The following HECW1 variants were observed in gnomAD, a reference collection of about 807,000 sequenced individuals.
The protein encoded by HECW1 is E3 ubiquitin-protein ligase HECW1.
HECW1 carries 61 observed loss-of-function variants against 182.3 expected under a neutral mutation model. The ratio of observed to expected loss-of-function variants is 0.33; its 90% confidence interval spans 0.27 to 0.41. The LOEUF (loss-of-function observed/expected upper bound fraction) is 0.41. Among genes scored for constraint, HECW1 ranks in the 10% least tolerant of loss-of-function variants. HECW1 has a pLI of 1.00. For synonymous variants in HECW1, 859 were observed against 832.6 expected (o/e 1.03, Z -0.55); for missense variants, 1,739 against 2,108.9 (o/e 0.82, Z 3.44).
chr7:43,257,995 A>C (rs1800761125), intron 3 of HECW1, among the ~76,000 whole-genome samples: 1 of 152,154 alleles, frequency 6.6e-6, no homozygotes, highest in African/African-American at 2.4e-5. Context: ...TGTCTTCTCT[A>C]TTTTATAGAT....
At position 43,330,991 on chromosome 7, in the gene HECW1, TA is replaced by T. The variant is rs993051198; in HGVS notation, c.460+10250del. The stretch of plus-strand genomic sequence containing the variant: ...TATTTATTTATTTATTTATTTATTT[TA>T]TTTTTTTATATACTTTAAGTCCTAG... On this transcript the variant is annotated intron_variant, in intron 5 of 29. Transcript: ENST00000395891. 6.6e-5 allele frequency among the ~76,000 whole-genome samples: 10 copies of T among 151,196 alleles called. No homozygotes were observed. The South Asian group carries it at 1.5e-3, about 23-fold the overall frequency.
At chr7:43,305,756 G>T (rs985555529) in intron 3 of HECW1, among the ~76,000 whole-genome samples, 6 of 150,586 alleles carry the variant, frequency 4.0e-5, no homozygotes, top group Non-Finnish European at 7.4e-5. Context: ...CCGTCACCAC[G>T]CCCAGCTAAT....
intron 21 of HECW1, among the ~76,000 whole-genome samples, chr7:43,502,054 GA>G (rs2079384986): frequency 6.6e-6 from 1 of 152,110 alleles, no homozygotes; most frequent in Non-Finnish European, 1.5e-5. Flanking sequence ...GTCCTTTGCA[GA>G]AAAAGGTTAC....
rs902992707 is a variant in HECW1 at position 43,243,711 on chromosome 7, CA to C, written c.-31-160del. ...GCTTGCAACTTTTTATCCACTTTAT[CA>C]AAATGAGTGTGGTCCTTGTGTGATT... is the stretch of plus-strand genomic sequence containing the variant. On this transcript the variant is annotated intron_variant, in intron 2 of 29. Coordinates refer to ENST00000395891, the MANE Select transcript of HECW1 (RefSeq NM_015052.5). This position sits in a 1 kb window ranked among gnomAD's most constrained non-coding sequence, Gnocchi z 4.0. 2.6e-5 allele frequency among the ~76,000 whole-genome samples: 4 copies of C among 152,084 alleles called. No homozygotes were observed. Among genetic ancestry groups the C allele is most frequent in the Non-Finnish European group, 5.9e-5 (4 of 68,016 alleles).
chr7:43,221,852 T>A lies in HECW1; in HGVS notation c.-31-22023T>A, dbSNP rs576864290. Among the ~76,000 whole-genome samples, 5 of 152,158 alleles carry A rather than the reference T, an allele frequency of 3.3e-5. No homozygotes were observed. In the East Asian group the frequency reaches 5.8e-4, roughly 18 times the overall value. On this transcript the variant is annotated intron_variant, in intron 2 of 29. Transcript: ENST00000395891. ...GAGCCACTGCACCCAGCAGGGTTAG[T>A]TTTTAATTGTTGAGCTGATTGCATT...
intron 3 of HECW1, among the ~76,000 whole-genome samples, chr7:43,277,428 G>T (rs755943961): frequency 6.6e-6 from 1 of 152,058 alleles, no homozygotes; most frequent in African/African-American, 2.4e-5. Flanking sequence ...ATGGTTTTTC[G>T]TTTCTGTCTG....
chr7:43,265,755 G>A (rs752201617), intron 3 of HECW1, among the ~76,000 whole-genome samples: 7 of 152,116 alleles, frequency 4.6e-5, no homozygotes, highest in Non-Finnish European at 7.3e-5. Context: ...CCCACTTCAG[G>A]CATCAGCCGA....
At chr7:43,275,033 A>C (rs546612897) in intron 3 of HECW1, among the ~76,000 whole-genome samples, 4 of 152,202 alleles carry the variant, frequency 2.6e-5, no homozygotes, top group Non-Finnish European at 4.4e-5. Flanking sequence ...CTCAGCATCC[A>C]TGGTGTCACT....
At chr7:43,421,099 AT>A (rs2076168127) in intron 8 of HECW1, among the ~76,000 whole-genome samples, 2 of 152,222 alleles carry the variant, frequency 1.3e-5, no homozygotes. Flanking sequence ...GAACAGACAA[AT>A]AGCTAATTAA....
intron 24 of HECW1, among the ~76,000 whole-genome samples, chr7:43,531,861 A>G (rs894429819): frequency 9.2e-5 from 14 of 152,166 alleles, no homozygotes; most frequent in Admixed American, 6.5e-5. Flanking sequence ...TGCTGCATCA[A>G]TTAACATTCA....
At chr7:43,237,514 G>T (rs748673657) in intron 2 of HECW1, among the ~76,000 whole-genome samples, 2 of 152,126 alleles carry the variant, frequency 1.3e-5, no homozygotes, top group African/African-American at 4.8e-5. Context: ...GCATGACATT[G>T]GGCATATTAC....
intron 2 of HECW1, among the ~76,000 whole-genome samples, chr7:43,181,589 G>A (rs955475942): frequency 4.0e-5 from 6 of 150,702 alleles, no homozygotes; most frequent in Non-Finnish European, 8.8e-5. Context: ...GATGATTGGT[G>A]ATGTTGAGTA....
In HECW1 at chr7:43,425,707, G is replaced by A. The variant is rs535780891; in HGVS notation, c.802-12296G>A. On this transcript the variant is annotated intron_variant, in intron 8 of 29. Coordinates refer to ENST00000395891, the MANE Select transcript of HECW1 (RefSeq NM_015052.5). ...AGACAGAAGCAGAAGCAAGAGACAA[G>A]AGAAAGGAGAACCAGGCCAAAGTCA... 4.6e-5 allele frequency among the ~76,000 whole-genome samples: 7 copies of A among 152,296 alleles called. No individual in the cohort carries two copies. The South Asian group carries it at 1.5e-3, about 32-fold the overall frequency.
At chr7:43,268,271 C>T (rs1011478675) in intron 3 of HECW1, among the ~76,000 whole-genome samples, 2 of 152,288 alleles carry the variant, frequency 1.3e-5, no homozygotes, top group East Asian at 3.9e-4. Flanking sequence ...TAGAAGGAGA[C>T]TCGCAGTGTT....
chr7:43,507,866 T>C, intron 22 of HECW1, 152 bp from the exon 23 acceptor site: 1 of 587,908 alleles, frequency 1.7e-6, no homozygotes, highest in Non-Finnish European at 3.1e-6. Flanking sequence ...AGATAATCCC[T>C]CGATGAACTG....
chr7:43,380,384 A>G (rs530661416), intron 6 of HECW1, among the ~76,000 whole-genome samples: 284 of 151,900 alleles, frequency 1.9e-3, no homozygotes, highest in African/African-American at 6.3e-3. Flanking sequence ...TCTTTTGCTC[A>G]ACATTACTTT....
At chr7:43,219,870 A>T (rs1379366302) in intron 2 of HECW1, among the ~76,000 whole-genome samples, 1 of 152,138 alleles carries the variant, frequency 6.6e-6, no homozygotes, top group Non-Finnish European at 1.5e-5. Context: ...GAGGGGTGGT[A>T]TCCTCCCTTA....
At chr7:43,411,022 A>G (rs1415583166) in intron 8 of HECW1, among the ~76,000 whole-genome samples, 2 of 145,140 alleles carry the variant, frequency 1.4e-5, no homozygotes, top group South Asian at 2.2e-4. Context: ...ATTTTCATTT[A>G]TTTATCTCCT....
intron 24 of HECW1, among the ~76,000 whole-genome samples, chr7:43,537,705 G>A (rs1456054272): frequency 6.6e-6 from 1 of 152,118 alleles, no homozygotes; most frequent in Non-Finnish European, 1.5e-5. Flanking sequence ...TATATTTTAT[G>A]GTATATATGG....
Sources: gnomAD v4.1 joint callset for allele counts (sites outside exome capture counted in the v4.1 genomes callset) on GRCh38, gnomAD v4.1.1 for gene constraint, Gnocchi (gnomAD v3.1) non-coding constraint, MANE v1.5 for transcripts, NCBI Gene and HGNC (gene_info 2026-07-23, HGNC 2026-07-21) for gene names.